Variants in MUL1 observed in about 807,000 individuals in gnomAD.
MUL1 encodes the protein mitochondrial E3 ubiquitin protein ligase 1.
A neutral mutation model predicts 34.1 loss-of-function variants in MUL1; 30 were observed. The observed-to-expected ratio is 0.88, with a 90% CI of 0.66 to 1.19. The LOEUF is 1.19. Among genes scored for constraint, MUL1 ranks in the 50% most tolerant of loss-of-function variants. MUL1 has a pLI of 0.00. For missense variants in MUL1, 419 were observed against 450.5 expected, an observed-to-expected ratio of 0.93 and a Z score of 0.63; for synonymous variants, 191 against 187.8, an observed-to-expected ratio of 1.02 and a Z score of -0.14.
chr1:20,504,497 G>A (rs960491690), intron 1 of MUL1, among the ~76,000 whole-genome samples: 3 of 152,206 alleles, frequency 2.0e-5, no homozygotes, highest in Non-Finnish European at 4.4e-5. Context: ...GAGGTGATGT[G>A]ATACAAGATG....
At position 20,501,961 on chromosome 1, in the gene MUL1, C is replaced by T. The variant is rs535344203; in HGVS notation, c.329+108G>A. On this transcript the variant is annotated intron_variant, in intron 3 of 3. Coordinates refer to ENST00000264198, the MANE Select transcript of MUL1 (RefSeq NM_024544.3). The surrounding 1 kb of genome is among the most constrained non-coding windows in gnomAD (Gnocchi z 4.2). The stretch of plus-strand genomic sequence containing the variant: ...ATATGACCTGCATTAAGAGACTGGG[C>T]TTCAACCTGTCTCAGGAGAAGCTGA... The T allele has an allele frequency of 1.4e-6, 2 of 1,421,840 alleles. No individual in the cohort carries two copies. Among genetic ancestry groups the T allele is most frequent in the Admixed American group, 3.6e-5 (2 of 56,330 alleles). The allele number at this position is 1,421,840 out of a possible 1,614,324, so 88.1% of individuals were successfully genotyped here.
At chr1:20,506,503 T>C (rs2051715132) in intron 1 of MUL1, among the ~76,000 whole-genome samples, 2 of 152,206 alleles carry the variant, frequency 1.3e-5, no homozygotes, top group South Asian at 4.1e-4. Flanking sequence ...TTCCTCCAAA[T>C]CTCAATTTTC....
Position 20,501,377 on chromosome 1 carries a change from C to T in MUL1, c.372G>A (p.Val124=). The change falls in exon 4 of 4, where the codon GTG becomes GTA. Residue 124 remains valine, a synonymous_variant. Transcript: ENST00000264198. This position sits in a 1 kb window ranked among gnomAD's most constrained non-coding sequence, Gnocchi z 4.2. The stretch of plus-strand genomic sequence containing the variant: ...CCTCGTGGGGCACCAGGTCAAAGGG[C>T]ACTGTGTTGGTCCTCTGATGAATGA... ...SKIIHQRTNT[V]PFDLVPHEDG... is the part of the protein sequence containing the mutation. 7.4e-6 allele frequency: 12 copies of T among 1,614,070 alleles called. No individual in the cohort carries two copies. The highest frequency in any genetic ancestry group is 1.0e-5 in the Non-Finnish European group (12 of 1,180,022).
chr1:20,500,846 G>A lies in MUL1; in HGVS notation c.903C>T (p.Ala301=), dbSNP rs1339976360. 2 of 1,614,230 alleles carry A rather than the reference G, an allele frequency of 1.2e-6. No homozygotes were observed. Among genetic ancestry groups the A allele is most frequent in the African/African-American group, 1.3e-5 (1 of 75,074 alleles). ...TGAAGCTGCTCAGACACACTACACA[G>A]GCGCTCTTCAGACTCTCCCTGTCCT... ...KPEDRESLKS[A]CVVCLSSFKS... The change falls in exon 4 of 4, where the codon GCC becomes GCT. Residue 301 remains alanine, a synonymous_variant. Transcript: ENST00000264198.
intron 2 of MUL1, among the ~76,000 whole-genome samples, chr1:20,502,518 C>A (rs1274529642): frequency 6.6e-6 from 1 of 152,180 alleles, no homozygotes; most frequent in Non-Finnish European, 1.5e-5. Context: ...CACCATACTA[C>A]AGCTACCTGG....
Position 20,508,132 on chromosome 1 carries a change from C to A in MUL1, c.-108G>T. 6.9e-7 allele frequency: 1 copy of A among 1,442,414 alleles called. No individual in the cohort carries two copies. Among genetic ancestry groups the A allele is most frequent in the South Asian group, 1.4e-5 (1 of 74,072 alleles). The allele number at this position is 1,442,414 out of a possible 1,614,324, so 89.4% of individuals were successfully genotyped here. ...ACCGCACCCCCCCGGCCTAACCTGA[C>A]CGGAAACTCGAAATCAGTCGCCCAG... On this transcript the variant is annotated 5_prime_UTR_variant, in exon 1 of 4. Coordinates refer to ENST00000264198, the MANE Select transcript of MUL1 (RefSeq NM_024544.3).
chr1:20,503,322 A>G lies in MUL1; in HGVS notation c.121-13T>C, dbSNP rs758166663. Reference sequence around the variant, plus strand: ...CTTTTTTAGCTCCCTAAATAAAAAAAAAAAATTAAATTAATTGGCCATTGA... The same window carrying G: ...CTTTTTTAGCTCCCTAAATAAAAAAGAAAAATTAAATTAATTGGCCATTGA... On this transcript the variant is annotated splice_polypyrimidine_tract_variant and intron_variant, in intron 1 of 3. Transcript: ENST00000264198. The G allele has an allele frequency of 3.3e-6, 5 of 1,523,118 alleles. No individual in the cohort carries two copies. The South Asian group carries it at 6.1e-5, about 19-fold the overall frequency. 94.4% of individuals were successfully genotyped at this position (1,523,118 alleles called of 1,614,324 possible).
chr1:20,504,745 G>A (rs1480459404), intron 1 of MUL1, among the ~76,000 whole-genome samples: 5 of 152,212 alleles, frequency 3.3e-5, no homozygotes, highest in African/African-American at 4.8e-5. Context: ...CTGACACACA[G>A]CAAGCATTTA....
rs534232220 is a variant in MUL1 at position 20,505,276 on chromosome 1, G to T, written c.121-1967C>A. Among the ~76,000 whole-genome samples, 16 of 152,148 alleles carry T rather than the reference G, an allele frequency of 1.1e-4. No homozygotes were observed. In the South Asian group the frequency reaches 3.3e-3, roughly 32 times the overall value. The stretch of plus-strand genomic sequence containing the variant: ...ACACAAGCCCCTCTCTGGAAGTTTT[G>T]TCATCTGATCAAGAAAATAGAATCT... On this transcript the variant is annotated intron_variant, in intron 1 of 3. Coordinates refer to ENST00000264198, the MANE Select transcript of MUL1 (RefSeq NM_024544.3).
Position 20,502,188 on chromosome 1 carries a change from T to C in MUL1, c.210A>G (p.Gly70=). The C allele has an allele frequency of 1.3e-5, 21 of 1,613,992 alleles. No homozygotes were observed. The highest frequency in any genetic ancestry group is 1.5e-5 in the Non-Finnish European group (18 of 1,179,976). The change falls in exon 3 of 4, where the codon GGA becomes GGG. Residue 70 remains glycine (G), a splice_region_variant and synonymous_variant. Transcript: ENST00000264198. ...GKCVPYAVIE[G]AVRSVKETLN... ...GCGTTTCTTTAACAGACCGCACAGC[T>C]CCTAAGTGGACACAAATTCTATTAT...
Position 20,501,568 on chromosome 1 carries a change from AGG to A in MUL1, c.330-151_330-150del. 1.2e-6 allele frequency: 1 copy of A among 857,444 alleles called. No homozygotes were observed. Among genetic ancestry groups the A allele is most frequent in the Non-Finnish European group, 1.8e-6 (1 of 570,990 alleles). The allele number at this position is 857,444 out of a possible 1,614,324, so 53.1% of individuals were successfully genotyped here. A position where few individuals can be genotyped will look rare whatever the true frequency, so the allele number is the denominator to read the frequency against. On this transcript the variant is annotated intron_variant, in intron 3 of 3. Coordinates refer to ENST00000264198, the MANE Select transcript of MUL1 (RefSeq NM_024544.3). The surrounding 1 kb of genome is among the most constrained non-coding windows in gnomAD (Gnocchi z 4.2). ...CACTATCTCCAGTTGCCTCCTAACA[AGG>A]AGGCTCCATTTGTAGGTCCTGGGGC...
At position 20,501,257 on chromosome 1, in the gene MUL1, C is replaced by T. The variant is rs1367235788; in HGVS notation, c.492G>A (p.Gln164=). The T allele has an allele frequency of 6.2e-7, 1 of 1,614,164 alleles. No individual in the cohort carries two copies. Among genetic ancestry groups the T allele is most frequent in the African/African-American group, 1.3e-5 (1 of 75,034 alleles). Residue 164 remains glutamine, a synonymous_variant, in exon 4 of 4, where the codon CAG becomes CAA. Transcript: ENST00000264198. The surrounding 1 kb of genome is among the most constrained non-coding windows in gnomAD (Gnocchi z 4.2). ...AGTGGCCGATGACATCGGTGAAGGA[C>T]TGAATCGAGGGGTGGAACTTCTCAT... ...TVYEKFHPSI[Q]SFTDVIGHYI...
chr1:20,504,089 T>C (rs1222361779), intron 1 of MUL1, among the ~76,000 whole-genome samples: 1 of 152,120 alleles, frequency 6.6e-6, no homozygotes, highest in Non-Finnish European at 1.5e-5. Context: ...AGGCTGGTGT[T>C]GAGCTCCTGA....
At position 20,501,553 on chromosome 1, in the gene MUL1, A is replaced by T; in HGVS notation, c.330-134T>A. Reference sequence around the variant, plus strand: ...AGAAGACAGTAAGATCACTATCTCCAGTTGCCTCCTAACAAGGAGGCTCCA... The same window carrying T: ...AGAAGACAGTAAGATCACTATCTCCTGTTGCCTCCTAACAAGGAGGCTCCA... On this transcript the variant is annotated intron_variant, in intron 3 of 3. Coordinates refer to ENST00000264198, the MANE Select transcript of MUL1 (RefSeq NM_024544.3). This position sits in a 1 kb window ranked among gnomAD's most constrained non-coding sequence, Gnocchi z 4.2. 1 of 1,017,864 alleles carries T rather than the reference A, an allele frequency of 9.8e-7. No homozygotes were observed. The highest frequency in any genetic ancestry group is 1.4e-6 in the Non-Finnish European group (1 of 712,098). 63.1% of individuals were successfully genotyped at this position (1,017,864 alleles called of 1,614,324 possible).
Position 20,500,653 on chromosome 1 carries a change from GGGTGCTTCCA to G in MUL1, c.*27_*36del. 6.6e-7 allele frequency: 1 copy of G among 1,524,398 alleles called. No homozygotes were observed. Among genetic ancestry groups the G allele is most frequent in the Non-Finnish European group, 8.8e-7 (1 of 1,135,580 alleles). 94.4% of individuals were successfully genotyped at this position (1,524,398 alleles called of 1,614,324 possible). A position where few individuals can be genotyped will look rare whatever the true frequency, so the allele number is the denominator to read the frequency against. On this transcript the variant is annotated 3_prime_UTR_variant, in exon 4 of 4. Transcript: ENST00000264198. ...ATAAAAATCCCTGAAAAGGGGGCAG[GGGTGCTTCCA>G]GGTCAAGCTGTGCGGCTTCCAAACT...
Position 20,500,633 on chromosome 1 carries a change from A to C in MUL1, c.*57T>G. ...GCTCCTCCAAAGGCCTCGAGATAAA[A>C]ATCCCTGAAAAGGGGGCAGGGGTGC... is the stretch of plus-strand genomic sequence containing the variant. On this transcript the variant is annotated 3_prime_UTR_variant, in exon 4 of 4. Coordinates refer to ENST00000264198, the MANE Select transcript of MUL1 (RefSeq NM_024544.3). 1.3e-6 allele frequency: 2 copies of C among 1,513,206 alleles called. No homozygotes were observed. Among genetic ancestry groups the C allele is most frequent in the Non-Finnish European group, 1.8e-6 (2 of 1,132,450 alleles). 93.7% of individuals were successfully genotyped at this position (1,513,206 alleles called of 1,614,324 possible).
chr1:20,501,985 G>A lies in MUL1; in HGVS notation c.329+84C>T, dbSNP rs974572351. The stretch of plus-strand genomic sequence containing the variant: ...GCTTCAACCTGTCTCAGGAGAAGCT[G>A]AAGTCACGGCAACAGCACCCAGGAC... On this transcript the variant is annotated intron_variant, in intron 3 of 3. Transcript: ENST00000264198. The surrounding 1 kb of genome is among the most constrained non-coding windows in gnomAD (Gnocchi z 4.2). The A allele has an allele frequency of 4.1e-5, 64 of 1,569,240 alleles. No individual in the cohort carries two copies. Among genetic ancestry groups the A allele is most frequent in the Non-Finnish European group, 1.5e-5 (17 of 1,145,672 alleles).
intron 2 of MUL1, among the ~76,000 whole-genome samples, 192 bp downstream of exon 2, chr1:20,503,030 A>G (rs551122884): frequency 1.3e-5 from 2 of 152,276 alleles, no homozygotes; most frequent in Admixed American, 1.3e-4. Flanking sequence ...TTTCGAGATC[A>G]GGCAACAGTG....
At chr1:20,506,628 T>A (rs2051716638) in intron 1 of MUL1, among the ~76,000 whole-genome samples, 1 of 151,546 alleles carries the variant, frequency 6.6e-6, no homozygotes, top group Non-Finnish European at 1.5e-5. Context: ...GACAGAGGGA[T>A]CACCTGAAGT....
Sources: gnomAD v4.1 joint callset for allele counts (sites outside exome capture counted in the v4.1 genomes callset) on GRCh38, gnomAD v4.1.1 for gene constraint, Gnocchi (gnomAD v3.1) non-coding constraint, MANE v1.5 for transcripts, NCBI Gene and HGNC (gene_info 2026-07-23, HGNC 2026-07-21) for gene names.